The following ITCH variants were observed in gnomAD, a reference collection of about 807,000 sequenced individuals.
ITCH encodes itchy E3 ubiquitin protein ligase, also known as E3 ubiquitin-protein ligase Itchy homolog.
ITCH carries 28 observed loss-of-function variants against 126.8 expected under a neutral mutation model. The ratio of observed to expected loss-of-function variants is 0.22; its 90% confidence interval spans 0.16 to 0.30. The LOEUF (loss-of-function observed/expected upper bound fraction) is 0.30, where lower values mean the gene tolerates loss of function less well. Ranked by LOEUF, ITCH falls within the 10% of genes least tolerant of loss-of-function variation. The pLI, the probability that ITCH is intolerant of heterozygous loss-of-function variation, is 1.00. For missense variants in ITCH, 631 were observed against 1,032.4 expected, an observed-to-expected ratio of 0.61 and a Z score of 5.33; for synonymous variants, 342 against 340.0, an observed-to-expected ratio of 1.01 and a Z score of -0.06.
At chr20:34,445,125 T>C (rs1411991825) in intron 10 of ITCH, among the ~76,000 whole-genome samples, 162 bp from the exon 11 acceptor site, 1 of 152,218 alleles carries the variant, frequency 6.6e-6, no homozygotes, top group Non-Finnish European at 1.5e-5. Context: ...TTTCAAGAAA[T>C]AAATTTTTAG....
chr20:34,385,471 A>G (rs2038250011), intron 2 of ITCH, among the ~76,000 whole-genome samples: 1 of 152,058 alleles, frequency 6.6e-6, no homozygotes, highest in African/African-American at 2.4e-5. Flanking sequence ...TAGTACAACA[A>G]TATTTATATT....
intron 4 of ITCH, among the ~76,000 whole-genome samples, chr20:34,411,458 A>C (rs1346620500): frequency 6.6e-6 from 1 of 152,090 alleles, no homozygotes; most frequent in Non-Finnish European, 1.5e-5. Context: ...CTGGCCGAGA[A>C]ATATTTTCCT....
intron 7 of ITCH, among the ~76,000 whole-genome samples, chr20:34,427,460 A>G (rs989107418): frequency 2.0e-5 from 3 of 151,964 alleles, no homozygotes; most frequent in Non-Finnish European, 4.4e-5. Flanking sequence ...AAATTAAAAA[A>G]CGGTAGTTAG....
chr20:34,501,396 G>A (rs1990237390), intron 23 of ITCH, among the ~76,000 whole-genome samples: 1 of 152,156 alleles, frequency 6.6e-6, no homozygotes, highest in South Asian at 2.1e-4. Context: ...GGACAACTAT[G>A]TTAGAAGATA....
chr20:34,393,899 C>T lies in ITCH; in HGVS notation c.70+18C>T, dbSNP rs367840026. On this transcript the variant is annotated intron_variant, in intron 3 of 24. Transcript: ENST00000374864. Reference sequence around the variant, plus strand: ...GATCACTGGTAAGTTTTAGAAACATCGGCTGCTTTACTTTATTTTTCCCCG... The same window carrying T: ...GATCACTGGTAAGTTTTAGAAACATTGGCTGCTTTACTTTATTTTTCCCCG... 67 of 1,605,000 alleles carry T rather than the reference C, an allele frequency of 4.2e-5. No homozygotes were observed. In the African/African-American group the frequency reaches 4.9e-4, roughly 12 times the overall value.
At chr20:34,388,752 C>T (rs1048543541) in intron 2 of ITCH, among the ~76,000 whole-genome samples, 4 of 152,322 alleles carry the variant, frequency 2.6e-5, no homozygotes, top group African/African-American at 4.8e-5. Flanking sequence ...TCTAACATTT[C>T]TCCTCCAAAT....
rs373045875 is a variant in ITCH, at chr20:34,475,216, G to A, written c.1570-2556G>A. Among the ~76,000 whole-genome samples, 11 of 152,144 alleles carry A rather than the reference G, an allele frequency of 7.2e-5. 1 individual carries two copies. The South Asian group carries it at 1.7e-3, about 23-fold the overall frequency. On this transcript the variant is annotated intron_variant, in intron 16 of 24. Coordinates refer to ENST00000374864, the MANE Select transcript of ITCH (RefSeq NM_031483.7). ...GCTCCTCACATCCCAGACGATGGGCGGCCAGGCAGAGATGCTCCTCACTTC... is the reference window on the plus strand; with the variant it reads ...GCTCCTCACATCCCAGACGATGGGCAGCCAGGCAGAGATGCTCCTCACTTC...
chr20:34,370,522 G>A (rs1359391786), intron 2 of ITCH, among the ~76,000 whole-genome samples: 1 of 151,942 alleles, frequency 6.6e-6, no homozygotes, highest in South Asian at 2.1e-4. Flanking sequence ...AAATTAGCAG[G>A]GTGTGATGTC....
In ITCH at chr20:34,449,300, C is replaced by T. The variant is rs926086802; in HGVS notation, c.1141-111C>T. 7.3e-6 allele frequency: 5 copies of T among 682,852 alleles called. No homozygotes were observed. The African/African-American group carries it at 8.9e-5, about 12-fold the overall frequency. 42.3% of individuals were successfully genotyped at this position (682,852 alleles called of 1,614,324 possible). The stretch of plus-strand genomic sequence containing the variant: ...AACCATGTGACACTTCTTTAAGATA[C>T]AAACTCTCTGTGTTATACATTGCCA... On this transcript the variant is annotated intron_variant, in intron 11 of 24. Coordinates refer to ENST00000374864, the MANE Select transcript of ITCH (RefSeq NM_031483.7).
intron 3 of ITCH, among the ~76,000 whole-genome samples, chr20:34,395,193 A>G (rs2038631607): frequency 1.3e-5 from 2 of 150,516 alleles, no homozygotes; most frequent in African/African-American, 2.4e-5. Flanking sequence ...AGATCATGCC[A>G]TTGCACTCCA....
Position 34,465,147 on chromosome 20 carries a change from A to G in ITCH, c.1424+2926A>G, listed in dbSNP as rs1465801963. On this transcript the variant is annotated intron_variant, in intron 14 of 24. Transcript: ENST00000374864. Reference sequence around the variant, plus strand: ...CAATTTTCCCAAGCACCATTTGTTGAAAAGACTGTCCTTTCCCCATTGCAT... The same window carrying G: ...CAATTTTCCCAAGCACCATTTGTTGGAAAGACTGTCCTTTCCCCATTGCAT... Among the ~76,000 whole-genome samples the G allele has an allele frequency of 4.6e-5, 7 of 152,336 alleles. No homozygotes were observed. The East Asian group carries it at 1.3e-3, about 29-fold the overall frequency.
chr20:34,502,338 GCTT>G (rs1432344514), intron 23 of ITCH, among the ~76,000 whole-genome samples: 3 of 151,676 alleles, frequency 2.0e-5, no homozygotes, highest in East Asian at 1.9e-4. Flanking sequence ...CACTATAACT[GCTT>G]CTGTGAACAG....
At chr20:34,489,134 CA>C (rs1213001366) in intron 20 of ITCH, 131 bp from the exon 21 acceptor site, 40 of 674,702 alleles carry the variant, frequency 5.9e-5, no homozygotes, top group South Asian at 3.3e-4. Context: ...GACATGTGTA[CA>C]GGGGGTTCAT....
chr20:34,412,758 T>C lies in ITCH; in HGVS notation c.337+119T>C, dbSNP rs1979220343. The C allele has an allele frequency of 4.9e-6, 4 of 818,330 alleles. No homozygotes were observed. The Admixed American group carries it at 9.5e-5, about 19-fold the overall frequency. 50.7% of individuals were successfully genotyped at this position (818,330 alleles called of 1,614,324 possible). ...CATACTTTTAAGTTTTACTTGGTTA[T>C]AGGATGAACAGATAGAAGAATTTTA... On this transcript the variant is annotated intron_variant, in intron 5 of 24. Coordinates refer to ENST00000374864, the MANE Select transcript of ITCH (RefSeq NM_031483.7).
rs2038232524 is a variant in ITCH at position 34,385,214 on chromosome 20, TG to T, written c.-21-8576del. Among the ~76,000 whole-genome samples, 7 of 134,690 alleles carry T rather than the reference TG, an allele frequency of 5.2e-5. No homozygotes were observed. In the South Asian group the frequency reaches 9.5e-4, roughly 18 times the overall value. The allele number at this position is 134,690 out of a possible 152,430, so 88.4% of individuals were successfully genotyped here. On this transcript the variant is annotated intron_variant, in intron 2 of 24. Coordinates refer to ENST00000374864, the MANE Select transcript of ITCH (RefSeq NM_031483.7). ...ATGTGTGTGTGTGTGTGTGTGTGTGTGTGTGTGGTTTTTTTTTTTTTTTTTT... is the reference window on the plus strand; with the variant it reads ...ATGTGTGTGTGTGTGTGTGTGTGTGTTGTGTGGTTTTTTTTTTTTTTTTTT...
chr20:34,492,274 T>C (rs993214019), intron 22 of ITCH, among the ~76,000 whole-genome samples: 1 of 152,164 alleles, frequency 6.6e-6, no homozygotes, highest in Non-Finnish European at 1.5e-5. Context: ...CTTGCTCCTA[T>C]AGTCCCAGCT....
At chr20:34,437,163 G>A (rs1983118657) in intron 7 of ITCH, among the ~76,000 whole-genome samples, 2 of 151,936 alleles carry the variant, frequency 1.3e-5, no homozygotes, top group African/African-American at 4.8e-5. Context: ...ACTATGTGAG[G>A]AGAGAGAGAT....
In ITCH at chr20:34,449,450, G is replaced by C; in HGVS notation, c.1180G>C (p.Asp394His). ...LFATSQSKEF[D>H]PLGPLPPGWE... The stretch of plus-strand genomic sequence containing the variant: ...TGCTACATCACAAAGTAAAGAATTT[G>C]ATCCTCTTGGTCCATTGCCACCTGG... Residue 394 changes from aspartate (D) to histidine (H), a missense_variant, in exon 12 of 25, where the codon GAT becomes CAT. Around this residue, in one of 4 missense-constraint regions of ITCH, gnomAD observed 390 missense variants for 731.6 expected, o/e 0.53. Coordinates refer to ENST00000374864, the MANE Select transcript of ITCH (RefSeq NM_031483.7). The C allele has an allele frequency of 6.2e-7, 1 of 1,611,882 alleles. No individual in the cohort carries two copies. Among genetic ancestry groups the C allele is most frequent in the Non-Finnish European group, 8.5e-7 (1 of 1,178,192 alleles).
At chr20:34,503,578 A>G (rs902717511) in intron 23 of ITCH, among the ~76,000 whole-genome samples, 1 of 152,164 alleles carries the variant, frequency 6.6e-6, no homozygotes, top group African/African-American at 2.4e-5. Flanking sequence ...ATTTAAATCA[A>G]GTTTTATTGT....
Sources: allele counts gnomAD v4.1 joint callset (sites outside exome capture counted in the v4.1 genomes callset), GRCh38; gene constraint gnomAD v4.1.1; regional missense constraint gnomAD v4.1.1; transcripts MANE v1.5; gene names NCBI Gene and HGNC (gene_info 2026-07-23, HGNC 2026-07-21).